TMCO4: variants seen among roughly 807,000 people sequenced by gnomAD.
TMCO4 encodes transmembrane and coiled-coil domains 4.
Under a neutral mutation model 64.7 loss-of-function variants are expected in TMCO4, and 58 were observed. That is an observed-to-expected ratio of 0.90 (90% confidence interval 0.73 to 1.12). The LOEUF (loss-of-function observed/expected upper bound fraction) is 1.12, where lower values mean the gene tolerates loss of function less well. TMCO4 is among the 50% of genes most tolerant of loss of function. TMCO4 has a pLI of 0.00. For synonymous variants in TMCO4, 325 were observed against 346.1 expected (o/e 0.94, Z 0.68); for missense variants, 780 against 825.9 (o/e 0.94, Z 0.68).
chr1:19,683,045 C>T lies in TMCO4; in HGVS notation c.1900G>A (p.Asp634Asn). 1 of 1,583,946 alleles carries T rather than the reference C, an allele frequency of 6.3e-7. No individual in the cohort carries two copies. Among genetic ancestry groups the T allele is most frequent in the Non-Finnish European group, 8.6e-7 (1 of 1,166,230 alleles). ...CKTQGPSTGL[D>N] ...GCTCAGGTCCCCTGCTGTGGTCAGT[C>T]CAGCCCCGTGCTGGGGCCCTGGGTC... Residue 634 changes from aspartate (D) to asparagine (N), a missense_variant, in exon 16 of 16, where the codon GAC becomes AAC. Coordinates refer to ENST00000294543, the MANE Select transcript of TMCO4 (RefSeq NM_181719.7).
chr1:19,694,317 T>C (rs534142247), intron 15 of TMCO4, 117 bp downstream of exon 15: 3 of 841,678 alleles, frequency 3.6e-6, no homozygotes, highest in East Asian at 2.6e-5. Context: ...TAAATTCTTA[T>C]GATCTTTCTC....
intron 13 of TMCO4, among the ~76,000 whole-genome samples, chr1:19,709,033 A>G (rs1270565745): frequency 1.3e-5 from 2 of 152,178 alleles, no homozygotes; most frequent in African/African-American, 4.8e-5. Flanking sequence ...TGCACATGAT[A>G]GACACGTAGA....
chr1:19,719,763 G>C (rs1231201013), intron 13 of TMCO4, among the ~76,000 whole-genome samples: 2 of 152,138 alleles, frequency 1.3e-5, no homozygotes, highest in East Asian at 3.9e-4. Context: ...GGAGGCCGAG[G>C]CAGATGGATC....
chr1:19,726,412 C>T (rs1323762210), intron 13 of TMCO4, among the ~76,000 whole-genome samples: 1 of 151,444 alleles, frequency 6.6e-6, no homozygotes, highest in African/African-American at 2.4e-5. Context: ...TGCAGTGAGC[C>T]GAGGTCGTGC....
At chr1:19,709,734 T>C (rs1216023621) in intron 13 of TMCO4, among the ~76,000 whole-genome samples, 1 of 151,998 alleles carries the variant, frequency 6.6e-6, no homozygotes, top group Non-Finnish European at 1.5e-5. Flanking sequence ...TTGTTTTTTT[T>C]TTGTATAAAA....
At chr1:19,777,676 C>T (rs1019922719) in intron 4 of TMCO4, among the ~76,000 whole-genome samples, 1 of 152,202 alleles carries the variant, frequency 6.6e-6, no homozygotes, top group Admixed American at 6.5e-5. Context: ...ACTGAATCAA[C>T]CCTGGAACCT....
At position 19,734,706 on chromosome 1, in the gene TMCO4, C is replaced by A. The variant is rs1406437111; in HGVS notation, c.1264+2666G>T. On this transcript the variant is annotated intron_variant, in intron 13 of 15. Transcript: ENST00000294543. The surrounding 1 kb of genome is among the most constrained non-coding windows in gnomAD (Gnocchi z 4.4). ...ATGCTGGCCGACCCTCTGGAATGCC[C>A]TGCCCTAGTCCAGCTGCCGTCTGCC... 2.6e-5 allele frequency among the ~76,000 whole-genome samples: 4 copies of A among 152,172 alleles called. No individual in the cohort carries two copies. Among genetic ancestry groups the A allele is most frequent in the Non-Finnish European group, 5.9e-5 (4 of 68,024 alleles).
intron 15 of TMCO4, among the ~76,000 whole-genome samples, chr1:19,687,376 G>A (rs904144675): frequency 6.6e-6 from 1 of 152,142 alleles, no homozygotes; most frequent in Non-Finnish European, 1.5e-5. Flanking sequence ...CATGAGCCAC[G>A]ATGCCCTGCC....
intron 15 of TMCO4, among the ~76,000 whole-genome samples, chr1:19,693,164 CAAAAAAAAAAAAAAAAAAA>C (rs57031243): frequency 3.0e-4 from 6 of 19,956 alleles, no homozygotes; most frequent in South Asian, 2.9e-3. Context: ...GACCCCATCT[CAAAAAAAAAAAAAAAAAAA>C]AAAAAAAAAA....
rs369712669 is a variant in TMCO4, at chr1:19,737,421, C to T, written c.1215G>A (p.Leu405=). ...GACAGAAGTAGATGACTCTGGCTCC[C>T]AGGCTGAAGCCAATCAAGGTGACAG... The part of the protein sequence containing the change: ...RRPVTLIGFS[L]GARVIYFCLQ... Residue 405 remains leucine (L), a synonymous_variant, in exon 13 of 16, where the codon CTG becomes CTA. Transcript: ENST00000294543. 1.9e-6 allele frequency: 3 copies of T among 1,613,866 alleles called. No homozygotes were observed. The African/African-American group carries it at 4.0e-5, about 22-fold the overall frequency.
chr1:19,697,548 C>G (rs934835349), intron 14 of TMCO4, among the ~76,000 whole-genome samples: 1 of 152,188 alleles, frequency 6.6e-6, no homozygotes, highest in Non-Finnish European at 1.5e-5. Context: ...ATCCTCCCAT[C>G]TCAGCCTCCC....
At position 19,691,633 on chromosome 1, in the gene TMCO4, C is replaced by T. The variant is rs77240187; in HGVS notation, c.1500+2801G>A. On this transcript the variant is annotated intron_variant, in intron 15 of 15. Transcript: ENST00000294543. ...GTGATCAGAACAGGCAGCTGCTGAT[C>T]CTGAATGGGGAAGCCAGAATGCCCC... Among the ~76,000 whole-genome samples, 1,113 of 152,194 alleles carry T rather than the reference C, an allele frequency of 7.3e-3. 17 individuals are homozygous for T. The highest frequency in any genetic ancestry group is 0.022 in the African/African-American group (925 of 41,518).
chr1:19,780,014 T>C (rs1231242780), intron 4 of TMCO4, among the ~76,000 whole-genome samples: 2 of 152,182 alleles, frequency 1.3e-5, no homozygotes, highest in African/African-American at 4.8e-5. Context: ...CCAACCTTTT[T>C]GGCACCAGGG....
intron 2 of TMCO4, among the ~76,000 whole-genome samples, chr1:19,796,722 A>ACC (rs2044326486): frequency 6.6e-6 from 1 of 151,966 alleles, no homozygotes; most frequent in African/African-American, 2.4e-5. Flanking sequence ...CTACAGGTGC[A>ACC]TGCCACCATG....
intron 4 of TMCO4, among the ~76,000 whole-genome samples, chr1:19,771,924 C>T (rs1289058573): frequency 6.6e-6 from 1 of 152,134 alleles, no homozygotes; most frequent in Non-Finnish European, 1.5e-5. Flanking sequence ...TCCCAAAGTG[C>T]TGGGATTACA....
chr1:19,698,330 T>TG (rs2095250186), intron 14 of TMCO4, among the ~76,000 whole-genome samples: 1 of 152,076 alleles, frequency 6.6e-6, no homozygotes, highest in Non-Finnish European at 1.5e-5. Flanking sequence ...CCTCTCACGG[T>TG]GGGGTGAGAC....
In TMCO4 at chr1:19,745,547, C is replaced by T. The variant is rs1036421756; in HGVS notation, c.862G>A (p.Ala288Thr). 2.7e-5 allele frequency: 44 copies of T among 1,614,130 alleles called. 1 individual carries two copies. The highest frequency in any genetic ancestry group is 1.7e-4 in the Middle Eastern group (1 of 6,058). Residue 288 changes from alanine to threonine, a missense_variant, in exon 10 of 16, where the codon GCT becomes ACT. Transcript: ENST00000294543. Reference protein sequence around the residue: ...HITIAVTGWLASGKYRTFSAP... With the variant: ...HITIAVTGWLTSGKYRTFSAP... ...TGGTCCTCACGGTATTTGCCAGAAG[C>T]GAGCCACCCCGTGACGGCGATGGTG...
intron 3 of TMCO4, among the ~76,000 whole-genome samples, chr1:19,781,796 A>G (rs527712670): frequency 5.3e-5 from 8 of 152,210 alleles, no homozygotes; most frequent in East Asian, 1.9e-4. Context: ...ACAGGCGCCC[A>G]CTACCACACC....
intron 13 of TMCO4, among the ~76,000 whole-genome samples, chr1:19,719,023 G>A (rs556631651): frequency 6.6e-6 from 1 of 152,224 alleles, no homozygotes; most frequent in African/African-American, 2.4e-5. Context: ...CAAGTACCCC[G>A]GTACTCATCA....
Sources: gnomAD v4.1 joint callset for allele counts (sites outside exome capture counted in the v4.1 genomes callset) on GRCh38, gnomAD v4.1.1 for gene constraint, Gnocchi (gnomAD v3.1) non-coding constraint, MANE v1.5 for transcripts, NCBI Gene and HGNC (gene_info 2026-07-23, HGNC 2026-07-21) for gene names.